The following TRAPPC10 variants were observed in gnomAD, a reference collection of about 807,000 sequenced individuals.
TRAPPC10 encodes the protein TRAPP 130 kDa subunit.
TRAPPC10 carries 23 observed loss-of-function variants against 125.5 expected under a neutral mutation model. The ratio of observed to expected loss-of-function variants is 0.18; its 90% confidence interval spans 0.13 to 0.26. The LOEUF (loss-of-function observed/expected upper bound fraction) is 0.26, where lower values mean the gene tolerates loss of function less well. Ranked by LOEUF, TRAPPC10 falls within the 10% of genes least tolerant of loss-of-function variation. TRAPPC10 has a pLI of 1.00. For synonymous variants in TRAPPC10, 509 were observed against 518.0 expected, an observed-to-expected ratio of 0.98 and a Z score of 0.24; for missense variants, 1,123 against 1,308.4, an observed-to-expected ratio of 0.86 and a Z score of 2.19.
chr21:44,019,449 CCTT>C (rs778223337), intron 1 of TRAPPC10, among the ~76,000 whole-genome samples: 4 of 152,186 alleles, frequency 2.6e-5, no homozygotes, highest in African/African-American at 9.7e-5. Context: ...CTGTGTCTCA[CCTT>C]CTTTCTTCCT....
intron 2 of TRAPPC10, 142 bp downstream of exon 2, chr21:44,032,314 C>A: frequency 1.9e-6 from 1 of 536,594 alleles, no homozygotes; most frequent in South Asian, 2.3e-5. Flanking sequence ...TCTAAAGAAA[C>A]AGAATGACCT....
chr21:44,072,980 G>C (rs1388546630), intron 7 of TRAPPC10, among the ~76,000 whole-genome samples: 1 of 152,214 alleles, frequency 6.6e-6, no homozygotes, highest in African/African-American at 2.4e-5. Flanking sequence ...CAATCGGAGG[G>C]ACACGCTCTG....
rs1408988243 is a variant in TRAPPC10 at position 44,077,701 on chromosome 21, C to T, written c.1386C>T (p.Ser462=). Reference sequence around the variant, plus strand: ...TTTTTACTTCCCCACAGGATTTGTCCCATGCCACCATTGAAATGTATACAA... The same window carrying T: ...TTTTTACTTCCCCACAGGATTTGTCTCATGCCACCATTGAAATGTATACAA... The part of the protein sequence containing the change: ...EAFEKHYLDL[S]HATIEMYTSI... Residue 462 remains serine, a synonymous_variant, in exon 11 of 23, where the codon TCC becomes TCT. Coordinates refer to ENST00000291574, the MANE Select transcript of TRAPPC10 (RefSeq NM_003274.5). 6.2e-7 allele frequency: 1 copy of T among 1,601,422 alleles called. No individual in the cohort carries two copies. Among genetic ancestry groups the T allele is most frequent in the South Asian group, 1.1e-5 (1 of 88,852 alleles).
intron 3 of TRAPPC10, among the ~76,000 whole-genome samples, chr21:44,051,889 G>A (rs1741629967): frequency 6.6e-6 from 1 of 152,240 alleles, no homozygotes. Flanking sequence ...ACGGCACACA[G>A]CAGGATGGCA....
At chr21:44,020,880 A>G (rs1284269912) in intron 1 of TRAPPC10, among the ~76,000 whole-genome samples, 2 of 152,164 alleles carry the variant, frequency 1.3e-5, no homozygotes, top group Non-Finnish European at 2.9e-5. Context: ...TGATCAGTGT[A>G]ACTGTTTAGT....
chr21:44,080,273 T>TA, intron 13 of TRAPPC10, 146 bp downstream of exon 13: 1 of 496,350 alleles, frequency 2.0e-6, no homozygotes, highest in Non-Finnish European at 3.4e-6. Context: ...TTCACCTGAC[T>TA]TTTTTTTTTA....
intron 18 of TRAPPC10, among the ~76,000 whole-genome samples, chr21:44,091,114 C>G (rs906344559): frequency 3.3e-5 from 5 of 152,206 alleles, no homozygotes; most frequent in Admixed American, 6.5e-5. Context: ...TCACTTGAAC[C>G]TGGGAGGCAG....
chr21:44,089,751 C>T (rs770280196), intron 17 of TRAPPC10, 82 bp from the exon 18 acceptor site: 18 of 1,032,758 alleles, frequency 1.7e-5, no homozygotes, highest in Non-Finnish European at 2.4e-5. Flanking sequence ...GCGGGCACTG[C>T]AGGTGAGTCT....
At chr21:44,024,419 A>G (rs1007005369) in intron 1 of TRAPPC10, among the ~76,000 whole-genome samples, 4 of 152,250 alleles carry the variant, frequency 2.6e-5, no homozygotes, top group Non-Finnish European at 5.9e-5. Flanking sequence ...GCCAGGGGCC[A>G]CTGAATAGAA....
intron 5 of TRAPPC10, among the ~76,000 whole-genome samples, chr21:44,058,664 G>C (rs1452759372): frequency 6.6e-6 from 1 of 152,232 alleles, no homozygotes; most frequent in Non-Finnish European, 1.5e-5. Context: ...ATGCTGTGTA[G>C]ATGGGCTCCG....
At chr21:44,075,906 G>A (rs960316461) in intron 9 of TRAPPC10, among the ~76,000 whole-genome samples, 8 of 152,142 alleles carry the variant, frequency 5.3e-5, no homozygotes, top group African/African-American at 1.2e-4. Flanking sequence ...AAAATTAGCC[G>A]GGTGTGGTGG....
At chr21:44,020,182 G>A (rs991715499) in intron 1 of TRAPPC10, among the ~76,000 whole-genome samples, 8 of 150,196 alleles carry the variant, frequency 5.3e-5, no homozygotes, top group Non-Finnish European at 3.0e-5. Flanking sequence ...GTGCAGTGGC[G>A]TGATCTCGGC....
At chr21:44,089,959 C>CT (rs554650348) in intron 18 of TRAPPC10, 26 bp downstream of exon 18, 35 of 1,575,388 alleles carry the variant, frequency 2.2e-5, no homozygotes, top group Non-Finnish European at 3.0e-5. Context: ...CGTGCGGGCC[C>CT]TGGCTTCTTT....
rs574387461 is a variant in TRAPPC10, at chr21:44,062,076, A to T, written c.791-1462A>T. On this transcript the variant is annotated intron_variant, in intron 6 of 22. Coordinates refer to ENST00000291574, the MANE Select transcript of TRAPPC10 (RefSeq NM_003274.5). ...CAGGCACCTGAATGGATGTCAGTGC[A>T]TGTGAGAAGGAGCCTTCAAGGCTGA... Among the ~76,000 whole-genome samples the T allele has an allele frequency of 2.0e-5, 3 of 152,374 alleles. No homozygotes were observed. In the South Asian group the frequency reaches 6.2e-4, roughly 32 times the overall value.
At chr21:44,068,102 G>C (rs1048389726) in intron 7 of TRAPPC10, among the ~76,000 whole-genome samples, 4 of 148,722 alleles carry the variant, frequency 2.7e-5, no homozygotes, top group African/African-American at 1.0e-4. Flanking sequence ...CTGGGCAAAA[G>C]AGTGAGACTC....
chr21:44,053,037 G>C (rs967345952), intron 4 of TRAPPC10, among the ~76,000 whole-genome samples: 1 of 151,890 alleles, frequency 6.6e-6, no homozygotes, highest in Non-Finnish European at 1.5e-5. Context: ...CAGCCAGCAC[G>C]TTAACTCCTC....
rs2037820442 is a variant in TRAPPC10 at position 44,082,405 on chromosome 21, T to C, written c.1724-383T>C. On this transcript the variant is annotated intron_variant, in intron 13 of 22. Coordinates refer to ENST00000291574, the MANE Select transcript of TRAPPC10 (RefSeq NM_003274.5). This position sits in a 1 kb window ranked among gnomAD's most constrained non-coding sequence, Gnocchi z 4.4. The stretch of plus-strand genomic sequence containing the variant: ...CAGCAGGGCACTTGGGCATCTTCAC[T>C]GAGCATGTTTTTAAGTAGGTGAGAA... Among the ~76,000 whole-genome samples, 2 of 152,206 alleles carry C rather than the reference T, an allele frequency of 1.3e-5. No individual in the cohort carries two copies. Among genetic ancestry groups the C allele is most frequent in the African/African-American group, 4.8e-5 (2 of 41,440 alleles).
rs977703214 is a variant in TRAPPC10, at chr21:44,049,275, A to C, written c.286-3005A>C. 5.9e-4 allele frequency among the ~76,000 whole-genome samples: 90 copies of C among 152,334 alleles called. 1 individual carries two copies. The highest frequency in any genetic ancestry group is 2.1e-3 in the African/African-American group (86 of 41,576). Reference sequence around the variant, plus strand: ...GAGCCCATTTCAGTCCAGCACTGCAAGGGTGATCCTGGTTTCCTCCCTTCT... The same window carrying C: ...GAGCCCATTTCAGTCCAGCACTGCACGGGTGATCCTGGTTTCCTCCCTTCT... On this transcript the variant is annotated intron_variant, in intron 3 of 22. Transcript: ENST00000291574.
chr21:44,063,426 A>T lies in TRAPPC10; in HGVS notation c.791-112A>T. 6.7e-7 allele frequency: 1 copy of T among 1,481,688 alleles called. No individual in the cohort carries two copies. 91.8% of individuals were successfully genotyped at this position (1,481,688 alleles called of 1,614,324 possible). ...CCACAGGGGGTGGGCCAGTGTTCAT[A>T]GAAAAACTGGTTATGAAGCTGCCTG... On this transcript the variant is annotated intron_variant, in intron 6 of 22. Transcript: ENST00000291574. The surrounding 1 kb of genome is among the most constrained non-coding windows in gnomAD (Gnocchi z 4.4).
Sources: allele counts gnomAD v4.1 joint callset (sites outside exome capture counted in the v4.1 genomes callset), GRCh38; gene constraint gnomAD v4.1.1; non-coding constraint Gnocchi (gnomAD v3.1); transcripts MANE v1.5; gene names NCBI Gene and HGNC (gene_info 2026-07-23, HGNC 2026-07-21).